The following SEC23A variants were observed in gnomAD, a reference collection of about 807,000 sequenced individuals.
SEC23A encodes the protein SEC23 homolog A, COPII component.
SEC23A carries 56 observed loss-of-function variants against 103.7 expected under a neutral mutation model. The ratio of observed to expected loss-of-function variants is 0.54; its 90% CI spans 0.44 to 0.67. The LOEUF (loss-of-function observed/expected upper bound fraction) is 0.67. Ranked by LOEUF, SEC23A falls within the 30% of genes least tolerant of loss-of-function variation. The probability of loss-of-function intolerance (pLI) is 0.00; values close to 1 mark genes in which losing one functional copy is unlikely to be tolerated. For missense variants in SEC23A, 784 were observed against 936.4 expected, an observed-to-expected ratio of 0.84 and a Z score of 2.12; for synonymous variants, 281 against 293.0, an observed-to-expected ratio of 0.96 and a Z score of 0.42.
intron 15 of SEC23A, 139 bp downstream of exon 15, chr14:39,048,513 C>G: frequency 4.7e-6 from 3 of 635,808 alleles, no homozygotes; most frequent in South Asian, 1.8e-5. Context: ...ACTCAGGAGG[C>G]TGACTAAGCC....
intron 10 of SEC23A, 57 bp downstream of exon 10, chr14:39,067,116 C>G (rs1309519171): frequency 6.2e-7 from 1 of 1,600,322 alleles, no homozygotes; most frequent in African/African-American, 1.3e-5. Flanking sequence ...GAATTACACT[C>G]AAGCCTATAA....
chr14:39,085,292 G>T (rs139281852), intron 7 of SEC23A, among the ~76,000 whole-genome samples: 1 of 152,170 alleles, frequency 6.6e-6, no homozygotes, highest in Admixed American at 6.5e-5. Context: ...CCATCTGACT[G>T]TTCATCTATA....
intron 19 of SEC23A, among the ~76,000 whole-genome samples, chr14:39,038,325 C>T (rs1339998610): frequency 6.6e-6 from 1 of 152,170 alleles, no homozygotes; most frequent in Non-Finnish European, 1.5e-5. Flanking sequence ...CTTTGTAATA[C>T]TTCATAGCTT....
intron 18 of SEC23A, chr14:39,040,291 T>C (rs1885595853): frequency 5.6e-6 from 1 of 177,360 alleles, no homozygotes; most frequent in Non-Finnish European, 1.2e-5. Flanking sequence ...TGTTTTCCTA[T>C]TACATAAAAT....
chr14:39,092,843 T>G (rs976054389), intron 3 of SEC23A: 11 of 537,678 alleles, frequency 2.0e-5, no homozygotes, highest in Non-Finnish European at 3.6e-5. Context: ...ATGGGTTTTT[T>G]TTCATTTGTT....
chr14:39,078,551 C>A (rs1451372703), intron 7 of SEC23A, among the ~76,000 whole-genome samples: 1 of 152,178 alleles, frequency 6.6e-6, no homozygotes, highest in East Asian at 1.9e-4. Flanking sequence ...TTCCTAAGAA[C>A]TACTCTCTGT....
chr14:39,058,609 C>A (rs1241342771), intron 13 of SEC23A, among the ~76,000 whole-genome samples: 1 of 152,124 alleles, frequency 6.6e-6, no homozygotes, highest in African/African-American at 2.4e-5. Context: ...GCCCGGCCTT[C>A]TTTCTGTATT....
At chr14:39,090,899 G>T in intron 5 of SEC23A, 1 of 271,760 alleles carries the variant, frequency 3.7e-6, no homozygotes, top group Non-Finnish European at 7.1e-6. Context: ...TGATTTGTTT[G>T]CAAAGGACTG....
chr14:39,092,221 C>T (rs1212032179), intron 4 of SEC23A, among the ~76,000 whole-genome samples: 6 of 152,202 alleles, frequency 3.9e-5, no homozygotes, highest in Non-Finnish European at 7.3e-5. Context: ...CTGGGGGATA[C>T]ATTAGCCAAC....
At chr14:39,063,493 AC>A in intron 11 of SEC23A, 80 bp from the exon 12 acceptor site, 1 of 891,642 alleles carries the variant, frequency 1.1e-6, no homozygotes, top group Admixed American at 2.4e-5. Flanking sequence ...ATGGAAAAAG[AC>A]CACAGGAAAA....
intron 5 of SEC23A, among the ~76,000 whole-genome samples, chr14:39,089,608 C>T (rs1404419526): frequency 1.3e-5 from 2 of 152,130 alleles, no homozygotes; most frequent in African/African-American, 2.4e-5. Context: ...ACTCAGTTCT[C>T]TCTCAAATTC....
chr14:39,096,331 G>A (rs1410507284), intron 1 of SEC23A, among the ~76,000 whole-genome samples, 192 bp from the exon 2 acceptor site: 1 of 151,960 alleles, frequency 6.6e-6, no homozygotes, highest in Non-Finnish European at 1.5e-5. Context: ...GGGAGTTCGA[G>A]ACCAGCCTGA....
chr14:39,056,269 G>A (rs147793860), intron 13 of SEC23A, among the ~76,000 whole-genome samples: 27 of 152,202 alleles, frequency 1.8e-4, no homozygotes, highest in African/African-American at 6.0e-4. Flanking sequence ...AAATCCTCCT[G>A]TTCTACTTAC....
chr14:39,074,347 T>C (rs926822058), intron 9 of SEC23A, 68 bp downstream of exon 9: 8 of 988,392 alleles, frequency 8.1e-6, no homozygotes, highest in Middle Eastern at 2.1e-4. Context: ...ATGGTCATTA[T>C]TGGTTTATAT....
intron 14 of SEC23A, among the ~76,000 whole-genome samples, chr14:39,054,459 A>T (rs1886175142): frequency 6.6e-6 from 1 of 152,244 alleles, no homozygotes; most frequent in South Asian, 2.1e-4. Context: ...TAATATGCAT[A>T]ATTTTTCTAC....
chr14:39,065,327 T>C (rs992685465), intron 10 of SEC23A, among the ~76,000 whole-genome samples: 5 of 151,874 alleles, frequency 3.3e-5, no homozygotes, highest in African/African-American at 9.7e-5. Flanking sequence ...TTTCCTCCCA[T>C]AGAAAATCTG....
chr14:39,052,558 T>C (rs529989503), intron 14 of SEC23A, among the ~76,000 whole-genome samples: 2 of 152,284 alleles, frequency 1.3e-5, no homozygotes, highest in South Asian at 4.1e-4. Flanking sequence ...GTGTCATATG[T>C]GACAACCTAC....
intron 1 of SEC23A, among the ~76,000 whole-genome samples, chr14:39,102,557 T>C (rs1000356316): frequency 2.0e-5 from 3 of 152,202 alleles, no homozygotes; most frequent in African/African-American, 7.2e-5. Flanking sequence ...ACTGAACTCT[T>C]TGTAATCAAA....
intron 16 of SEC23A, 74 bp downstream of exon 16, chr14:39,045,089 T>G: frequency 7.8e-7 from 1 of 1,284,720 alleles, no homozygotes; most frequent in South Asian, 1.2e-5. Flanking sequence ...TATGCATTTT[T>G]TTAGTTATTT....
Sources: gnomAD v4.1 joint callset for allele counts (sites outside exome capture counted in the v4.1 genomes callset) on GRCh38, gnomAD v4.1.1 for gene constraint, MANE v1.5 for transcripts, NCBI Gene and HGNC (gene_info 2026-07-23, HGNC 2026-07-21) for gene names.